IQGAP2: variants seen among roughly 807,000 people sequenced by gnomAD.
The protein encoded by IQGAP2 is IQ motif containing GTPase activating protein 2.
A neutral mutation model predicts 201.3 loss-of-function variants in IQGAP2; 173 were observed. The ratio of observed to expected loss-of-function variants is 0.86; its 90% CI spans 0.76 to 0.98. The LOEUF is 0.98. IQGAP2 is among the 50% of genes least tolerant of loss of function. IQGAP2 has a pLI of 0.00. For missense variants in IQGAP2, 1,687 were observed against 1,864.8 expected, an observed-to-expected ratio of 0.90 and a Z score of 1.76; for synonymous variants, 675 against 673.9, an observed-to-expected ratio of 1.00 and a Z score of -0.03.
intron 13 of IQGAP2, chr5:76,623,093 A>G: frequency 7.2e-7 from 1 of 1,395,482 alleles, no homozygotes; most frequent in South Asian, 1.2e-5. Flanking sequence ...ATGCAAAGAA[A>G]CCTAGGTTCA....
At chr5:76,603,821 C>T (rs1047032913) in intron 11 of IQGAP2, among the ~76,000 whole-genome samples, 1 of 152,058 alleles carries the variant, frequency 6.6e-6, no homozygotes, top group African/African-American at 2.4e-5. Context: ...CTAGTCTGTC[C>T]ATAGATGAGG....
intron 13 of IQGAP2, among the ~76,000 whole-genome samples, chr5:76,624,730 G>A (rs1326559933): frequency 6.6e-6 from 1 of 152,082 alleles, no homozygotes; most frequent in Non-Finnish European, 1.5e-5. Context: ...GTGGAGGTGT[G>A]GCCGTCCCAT....
At chr5:76,660,357 C>T (rs1273744895) in intron 21 of IQGAP2, 1 of 152,048 alleles carries the variant, frequency 6.6e-6, no homozygotes, top group Non-Finnish European at 1.5e-5. Flanking sequence ...TTATTTTATC[C>T]AGAAAAACAA....
At chr5:76,411,976 T>TG (rs1329431358) in intron 1 of IQGAP2, among the ~76,000 whole-genome samples, 12 of 152,238 alleles carry the variant, frequency 7.9e-5, no homozygotes, top group Middle Eastern at 3.4e-3. Context: ...GGGTGGCACA[T>TG]GGGGGGCTGG....
At chr5:76,594,271 A>G (rs1316404626) in intron 9 of IQGAP2, among the ~76,000 whole-genome samples, 4 of 152,240 alleles carry the variant, frequency 2.6e-5, no homozygotes, top group African/African-American at 9.6e-5. Flanking sequence ...CCATAAGCCT[A>G]GAGAGGAAAT....
chr5:76,436,293 C>T (rs1255907376), intron 1 of IQGAP2, among the ~76,000 whole-genome samples: 2 of 151,424 alleles, frequency 1.3e-5, no homozygotes, highest in African/African-American at 4.8e-5. Flanking sequence ...CTGTCTTGTT[C>T]CAGTACTCAG....
At chr5:76,460,185 T>C (rs1754354900) in intron 1 of IQGAP2, among the ~76,000 whole-genome samples, 1 of 152,062 alleles carries the variant, frequency 6.6e-6, no homozygotes, top group South Asian at 2.1e-4. Context: ...AAATGTGAAC[T>C]AAAGTGCCAA....
intron 2 of IQGAP2, among the ~76,000 whole-genome samples, chr5:76,538,627 G>C (rs568225495): frequency 2.0e-5 from 3 of 152,246 alleles, no homozygotes; most frequent in Admixed American, 1.3e-4. Flanking sequence ...AATTCATTGG[G>C]GCTAAAAACA....
Position 76,674,724 on chromosome 5 carries a change from T to G in IQGAP2, c.3527+15T>G. ...CAGGAATTCAGGTGAGAGGGGCCCT[T>G]AGTTTTGGAGAAACGTGCAAGAATG... On this transcript the variant is annotated intron_variant, in intron 27 of 35. Transcript: ENST00000274364. The G allele has an allele frequency of 6.4e-7, 1 of 1,553,772 alleles. No individual in the cohort carries two copies. Among genetic ancestry groups the G allele is most frequent in the Non-Finnish European group, 8.9e-7 (1 of 1,125,476 alleles).
chr5:76,535,080 C>T (rs1159833565), intron 2 of IQGAP2, among the ~76,000 whole-genome samples: 2 of 152,084 alleles, frequency 1.3e-5, no homozygotes, highest in Non-Finnish European at 2.9e-5. Flanking sequence ...AGGCCAAGCC[C>T]CAGGTCAGGG....
chr5:76,555,811 G>T (rs569789823), intron 2 of IQGAP2, among the ~76,000 whole-genome samples: 49 of 152,272 alleles, frequency 3.2e-4, no homozygotes, highest in African/African-American at 1.1e-3. Flanking sequence ...AGCAGATGGG[G>T]AGGAGAGAGA....
chr5:76,474,822 C>T lies in IQGAP2; in HGVS notation c.146+13153C>T, dbSNP rs373490303. ...CCGCCTCCCAGGTTCAAGCGATTCT[C>T]CTGCCTCAGCCTCCCAAGTAGCTGG... On this transcript the variant is annotated intron_variant, in intron 2 of 35. Transcript: ENST00000274364. Among the ~76,000 whole-genome samples the T allele has an allele frequency of 8.4e-4, 128 of 152,328 alleles. 1 individual carries two copies. The South Asian group carries it at 0.018, about 21-fold the overall frequency.
In IQGAP2 at chr5:76,651,645, T is replaced by C. The variant is rs567034618; in HGVS notation, c.2095-1105T>C. 1.6e-4 allele frequency among the ~76,000 whole-genome samples: 24 copies of C among 152,186 alleles called. No homozygotes were observed. The East Asian group carries it at 2.5e-3, about 16-fold the overall frequency. The stretch of plus-strand genomic sequence containing the variant: ...AAAGTATATTTGTATGATGTTACCA[T>C]TGGGGGAAGCTGTGTAAAGGGGTAC... On this transcript the variant is annotated intron_variant, in intron 17 of 35. Transcript: ENST00000274364.
At chr5:76,592,619 C>T (rs1385475998) in intron 8 of IQGAP2, among the ~76,000 whole-genome samples, 1 of 152,110 alleles carries the variant, frequency 6.6e-6, no homozygotes, top group African/African-American at 2.4e-5. Flanking sequence ...TGAAAATTAG[C>T]CCTTTTCAAA....
At chr5:76,536,065 C>CTTTT (rs545584812) in intron 2 of IQGAP2, among the ~76,000 whole-genome samples, 47,729 of 123,268 alleles carry the variant, frequency 0.39, 10,168 homozygotes, top group South Asian at 0.63. Flanking sequence ...GGAGCATATT[C>CTTTT]TTTTTTTTTT....
At chr5:76,648,157 G>C (rs1268275316) in intron 17 of IQGAP2, among the ~76,000 whole-genome samples, 1 of 152,136 alleles carries the variant, frequency 6.6e-6, no homozygotes, top group Non-Finnish European at 1.5e-5. Context: ...TATCAAGAGA[G>C]GTCCAGTAGG....
At chr5:76,633,455 T>C (rs1463913254) in intron 15 of IQGAP2, among the ~76,000 whole-genome samples, 1 of 152,196 alleles carries the variant, frequency 6.6e-6, no homozygotes, top group Non-Finnish European at 1.5e-5. Context: ...TTTTATCATT[T>C]TTATTTTATT....
intron 1 of IQGAP2, among the ~76,000 whole-genome samples, chr5:76,460,503 G>A (rs1458282571): frequency 4.6e-5 from 7 of 152,100 alleles, no homozygotes; most frequent in African/African-American, 1.7e-4. Context: ...TGGCCATGGG[G>A]AGAATGAGTG....
chr5:76,487,533 T>C (rs71576997), intron 2 of IQGAP2, among the ~76,000 whole-genome samples: 4 of 152,220 alleles, frequency 2.6e-5, no homozygotes, highest in Non-Finnish European at 4.4e-5. Context: ...GGTATGCAAA[T>C]TCAAGTTTGT....
Sources: allele counts gnomAD v4.1 joint callset (sites outside exome capture counted in the v4.1 genomes callset), GRCh38; gene constraint gnomAD v4.1.1; transcripts MANE v1.5; gene names NCBI Gene and HGNC (gene_info 2026-07-23, HGNC 2026-07-21).